The following EPB41 variants were observed in gnomAD, a reference collection of about 807,000 sequenced individuals.
EPB41 encodes protein 4.1.
In EPB41, 65 loss-of-function variants were observed where a neutral mutation model predicts 108.0. The ratio of observed to expected loss-of-function variants is 0.60; its 90% CI spans 0.49 to 0.74. The LOEUF (loss-of-function observed/expected upper bound fraction) is 0.74. Among genes scored for constraint, EPB41 ranks in the 30% least tolerant of loss-of-function variants. EPB41 has a pLI of 0.00. For missense variants in EPB41, 875 were observed against 1,037.0 expected (o/e 0.84, Z 2.15); for synonymous variants, 336 against 358.9 (o/e 0.94, Z 0.72).
chr1:28,891,053 G>T (rs1235556662), intron 1 of EPB41: 2 of 927,884 alleles, frequency 2.2e-6, no homozygotes, highest in East Asian at 2.4e-4. Flanking sequence ...CTCCAGGTCA[G>T]CCAGGGCCCA....
Position 28,984,649 on chromosome 1 carries a change from A to T in EPB41, c.-7-2782A>T, listed in dbSNP as rs565215897. Among the ~76,000 whole-genome samples, 260 of 150,126 alleles carry T rather than the reference A, an allele frequency of 1.7e-3. 1 individual carries two copies. Among genetic ancestry groups the T allele is most frequent in the African/African-American group, 5.8e-3 (234 of 40,508 alleles). ...TTCAGTGAAATCAATTCATTTTTTT[A>T]AAAAACTTAGGTTTTTTTTTTTTTT... On this transcript the variant is annotated intron_variant, in intron 1 of 20. Transcript: ENST00000343067.
intron 4 of EPB41, among the ~76,000 whole-genome samples, 172 bp from the exon 5 acceptor site, chr1:29,011,693 C>A (rs1019204218): frequency 2.6e-5 from 4 of 152,162 alleles, no homozygotes; most frequent in African/African-American, 4.8e-5. Flanking sequence ...GTCAGGGTCC[C>A]TTTTTGTCTG....
chr1:28,999,335 G>A (rs550074464), intron 4 of EPB41, among the ~76,000 whole-genome samples: 19 of 152,108 alleles, frequency 1.2e-4, no homozygotes, highest in Admixed American at 1.1e-3. Context: ...GTGCTACTGC[G>A]CTCCAGCCTG....
At chr1:28,913,224 G>A (rs1431238301), upstream of EPB41, among the ~76,000 whole-genome samples, 1 of 152,046 alleles carries the variant, frequency 6.6e-6, no homozygotes, top group Non-Finnish European at 1.5e-5. Context: ...CGAGAAGGGC[G>A]GATCACGAGG....
At chr1:29,022,665 G>A (rs2096661965) in intron 7 of EPB41, among the ~76,000 whole-genome samples, 1 of 151,912 alleles carries the variant, frequency 6.6e-6, no homozygotes, top group Non-Finnish European at 1.5e-5. Context: ...TGGTTGCAGT[G>A]AGCCAAGATC....
At chr1:29,014,111 G>T (rs530146662) in intron 5 of EPB41, among the ~76,000 whole-genome samples, 1 of 151,946 alleles carries the variant, frequency 6.6e-6, no homozygotes, top group Non-Finnish European at 1.5e-5. Flanking sequence ...GAGGTCAGGA[G>T]TTAGAGAGCA....
intron 2 of EPB41, 45 bp from the exon 3 acceptor site, chr1:28,993,285 G>A: frequency 6.7e-7 from 1 of 1,498,978 alleles, no homozygotes; most frequent in Non-Finnish European, 9.3e-7. Flanking sequence ...AGCATGTTTT[G>A]TGAAATGTGT....
intron 10 of EPB41, among the ~76,000 whole-genome samples, chr1:29,036,726 G>T (rs1291003320): frequency 1.3e-5 from 2 of 150,040 alleles, no homozygotes; most frequent in East Asian, 3.9e-4. Context: ...GCCCAGGCTG[G>T]AGTGCAGTGG....
chr1:28,956,293 C>T (rs1176114124), intron 1 of EPB41, among the ~76,000 whole-genome samples: 1 of 152,058 alleles, frequency 6.6e-6, no homozygotes, highest in Non-Finnish European at 1.5e-5. Flanking sequence ...ACAACTGTGG[C>T]TAGGAAACTG....
At chr1:29,066,391 A>G (rs1365335039) in intron 16 of EPB41, among the ~76,000 whole-genome samples, 1 of 152,020 alleles carries the variant, frequency 6.6e-6, no homozygotes, top group African/African-American at 2.4e-5. Flanking sequence ...TGCACTCCAG[A>G]CTGGGCAACA....
chr1:29,066,335 C>G (rs1647781564), intron 16 of EPB41, among the ~76,000 whole-genome samples: 1 of 152,024 alleles, frequency 6.6e-6, no homozygotes, highest in African/African-American at 2.4e-5. Flanking sequence ...AGGAGAATCA[C>G]TTGAACCTGG....
intron 1 of EPB41, among the ~76,000 whole-genome samples, chr1:28,964,723 C>T (rs1294010026): frequency 6.6e-6 from 1 of 152,204 alleles, no homozygotes; most frequent in Non-Finnish European, 1.5e-5. Context: ...TTTCCCTAAT[C>T]TACCCTTGCC....
At chr1:28,977,920 G>A (rs2149390735) in intron 1 of EPB41, among the ~76,000 whole-genome samples, 1 of 151,524 alleles carries the variant, frequency 6.6e-6, no homozygotes, top group East Asian at 1.9e-4. Context: ...CTAACTGAAA[G>A]TATCAGTGAG....
intron 1 of EPB41, among the ~76,000 whole-genome samples, chr1:28,923,938 TG>T (rs1308264735): frequency 3.9e-5 from 6 of 152,124 alleles, no homozygotes; most frequent in African/African-American, 2.4e-5. Context: ...TCCCCTTGAG[TG>T]GGGGCTATTG....
intron 1 of EPB41, among the ~76,000 whole-genome samples, chr1:28,908,666 G>A (rs1245665913): frequency 2.0e-5 from 3 of 149,928 alleles, no homozygotes; most frequent in South Asian, 2.1e-4. Context: ...TCCTGACCTC[G>A]TGATCCACCC....
intron 3 of EPB41, among the ~76,000 whole-genome samples, chr1:28,996,923 C>T (rs368673412): frequency 1.3e-5 from 2 of 151,926 alleles, no homozygotes; most frequent in African/African-American, 2.4e-5. Flanking sequence ...TCACTTGAGG[C>T]GGGGGAATCA....
intron 5 of EPB41, among the ~76,000 whole-genome samples, chr1:29,013,113 TA>T (rs536235036): frequency 1.3e-5 from 2 of 151,836 alleles, no homozygotes; most frequent in Non-Finnish European, 2.9e-5. Context: ...ATTTTTCAGT[TA>T]AAAAAAATTA....
upstream of EPB41, among the ~76,000 whole-genome samples, chr1:28,912,680 G>A (rs911130035): frequency 6.6e-6 from 1 of 151,664 alleles, no homozygotes; most frequent in Non-Finnish European, 1.5e-5. Context: ...TCAATGGCAT[G>A]ATCTCGGCTC....
At chr1:28,930,257 A>G (rs1328694038) in intron 1 of EPB41, among the ~76,000 whole-genome samples, 1 of 148,710 alleles carries the variant, frequency 6.7e-6, no homozygotes, top group East Asian at 2.0e-4. Flanking sequence ...CCTGGGCTCA[A>G]GTGATCCTAC....
Sources: gnomAD v4.1 joint callset for allele counts (sites outside exome capture counted in the v4.1 genomes callset) on GRCh38, gnomAD v4.1.1 for gene constraint, MANE v1.5 for transcripts, NCBI Gene and HGNC (gene_info 2026-07-23, HGNC 2026-07-21) for gene names.